Variants in CACNB2 observed in about 807,000 individuals in gnomAD.
The protein encoded by CACNB2 is voltage-dependent L-type calcium channel subunit beta-2.
A neutral mutation model predicts 73.3 loss-of-function variants in CACNB2; 42 were observed. The observed-to-expected ratio is 0.57, with a 90% CI of 0.45 to 0.74. CACNB2 has a LOEUF of 0.74. Ranked by LOEUF, CACNB2 falls within the 30% of genes least tolerant of loss-of-function variation. The probability of loss-of-function intolerance (pLI) is 0.00; values close to 1 mark genes in which losing one functional copy is unlikely to be tolerated. For synonymous variants in CACNB2, 348 were observed against 310.3 expected, an observed-to-expected ratio of 1.12 and a Z score of -1.28; for missense variants, 940 against 853.0, an observed-to-expected ratio of 1.10 and a Z score of -1.27.
At position 18,307,983 on chromosome 10, in the gene CACNB2, C is replaced by CTTTTTTTT. The variant is rs869311555; in HGVS notation, c.214-93921_214-93914dup. On this transcript the variant is annotated intron_variant, in intron 2 of 13. Coordinates refer to ENST00000324631, the MANE Select transcript of CACNB2 (RefSeq NM_201596.3). ...TTAAGTCTAAAATAATATATGCCAA[C>CTTTTTTTT]TTTTTTTTTTTTTTTTTTTTTTTTT... Among the ~76,000 whole-genome samples the CTTTTTTTT allele has an allele frequency of 4.6e-4, 32 of 70,262 alleles. 2 individuals are homozygous for CTTTTTTTT. The highest frequency in any genetic ancestry group is 1.0e-3 in the African/African-American group (17 of 16,742). The allele number at this position is 70,262 out of a possible 152,430, so 46.1% of individuals were successfully genotyped here. A position where few individuals can be genotyped will look rare whatever the true frequency, so the allele number is the denominator to read the frequency against.
intron 2 of CACNB2, among the ~76,000 whole-genome samples, chr10:18,185,618 C>T (rs1016909032): frequency 2.0e-5 from 3 of 152,156 alleles, no homozygotes; most frequent in African/African-American, 7.2e-5. Flanking sequence ...AGGTCAATAG[C>T]TTGCATTTGG....
At chr10:18,485,275 G>A (rs901415617) in intron 3 of CACNB2, among the ~76,000 whole-genome samples, 1 of 152,130 alleles carries the variant, frequency 6.6e-6, no homozygotes, top group Admixed American at 6.6e-5. Flanking sequence ...CAAGATGATA[G>A]AGAGAAGTTA....
At chr10:18,448,906 T>G (rs1323454245) in intron 3 of CACNB2, among the ~76,000 whole-genome samples, 1 of 152,196 alleles carries the variant, frequency 6.6e-6, no homozygotes, top group Non-Finnish European at 1.5e-5. Flanking sequence ...TAGAAAGTTG[T>G]CACTGTAGAT....
chr10:18,464,521 G>A (rs2047769787), intron 3 of CACNB2, among the ~76,000 whole-genome samples: 1 of 150,816 alleles, frequency 6.6e-6, no homozygotes, highest in Admixed American at 6.7e-5. Flanking sequence ...TATTCACACG[G>A]ACCTCAAACT....
chr10:18,205,846 C>A (rs914256488), intron 2 of CACNB2, among the ~76,000 whole-genome samples: 7 of 152,088 alleles, frequency 4.6e-5, no homozygotes, highest in African/African-American at 1.7e-4. Context: ...TTTCTACAAC[C>A]CATCAGAGAC....
At chr10:18,295,021 G>A (rs1032060995) in intron 2 of CACNB2, among the ~76,000 whole-genome samples, 39 of 152,336 alleles carry the variant, frequency 2.6e-4, no homozygotes, top group African/African-American at 8.7e-4. Flanking sequence ...AGCTTCATAA[G>A]CAGCCCTGAA....
At chr10:18,398,692 TACAC>T (rs200052800) in intron 2 of CACNB2, among the ~76,000 whole-genome samples, 44 of 57,136 alleles carry the variant, frequency 7.7e-4, no homozygotes, top group South Asian at 3.7e-3. Context: ...CACACACACA[TACAC>T]ACACACACAC....
At chr10:18,414,967 A>G (rs1171142956) in intron 3 of CACNB2, among the ~76,000 whole-genome samples, 1 of 152,240 alleles carries the variant, frequency 6.6e-6, no homozygotes, top group African/African-American at 2.4e-5. Flanking sequence ...CAATGGCTAC[A>G]TAAAAGATGT....
rs71402148 is a variant in CACNB2, at chr10:18,150,855, C to CTT, written c.121-4_121-3dup. 2,901 of 483,562 alleles carry CTT rather than the reference C, an allele frequency of 6.0e-3. 80 individuals carry two copies. Among genetic ancestry groups the CTT allele is most frequent in the African/African-American group, 0.013 (293 of 22,324 alleles). The allele number at this position is 483,562 out of a possible 1,614,324, so 30.0% of individuals were successfully genotyped here. ...AGGGTCTCATAATAATCTTATTTGT[C>CTT]TTTTTTTTTTTTTTTTTTTTTTTTT... On this transcript the variant is annotated intron_variant, in intron 1 of 13. Coordinates refer to ENST00000324631, the MANE Select transcript of CACNB2 (RefSeq NM_201596.3).
chr10:18,361,934 T>C lies in CACNB2; in HGVS notation c.214-39990T>C, dbSNP rs11013839. On this transcript the variant is annotated intron_variant, in intron 2 of 13. Transcript: ENST00000324631. Reference sequence around the variant, plus strand: ...AGCCTAAGGTAGCATTCTTAATTGCTGTTTCCCAAAACCAACCCCTGTTTC... The same window carrying C: ...AGCCTAAGGTAGCATTCTTAATTGCCGTTTCCCAAAACCAACCCCTGTTTC... Among the ~76,000 whole-genome samples, 135 of 152,282 alleles carry C rather than the reference T, an allele frequency of 8.9e-4. 1 individual carries two copies. In the East Asian group the frequency reaches 0.026, roughly 29 times the overall value.
chr10:18,156,993 A>G (rs969587597), intron 2 of CACNB2, among the ~76,000 whole-genome samples: 8 of 151,640 alleles, frequency 5.3e-5, no homozygotes, highest in African/African-American at 1.5e-4. Flanking sequence ...CGGTGAGCCG[A>G]GATTGCGCCA....
intron 9 of CACNB2, among the ~76,000 whole-genome samples, chr10:18,521,793 T>C (rs1181177759): frequency 6.6e-6 from 1 of 152,084 alleles, no homozygotes; most frequent in Non-Finnish European, 1.5e-5. Flanking sequence ...ACAGGGCTAG[T>C]GTATATTTCT....
intron 9 of CACNB2, among the ~76,000 whole-genome samples, chr10:18,527,149 G>A (rs2052552890): frequency 6.6e-6 from 1 of 152,046 alleles, no homozygotes; most frequent in African/African-American, 2.4e-5. Context: ...GGAAGGCCGA[G>A]GGAGGCGGAT....
chr10:18,387,219 C>T (rs2043273499), intron 2 of CACNB2, among the ~76,000 whole-genome samples: 1 of 152,192 alleles, frequency 6.6e-6, no homozygotes, highest in Non-Finnish European at 1.5e-5. Flanking sequence ...CTGCCAGCTG[C>T]AAAACACAGC....
chr10:18,141,169 C>T (rs375156952), intron 1 of CACNB2: 10 of 1,451,968 alleles, frequency 6.9e-6, no homozygotes, highest in Middle Eastern at 4.0e-4. Context: ...GGGAGAGGCA[C>T]ATGGAGAGAC....
chr10:18,484,802 T>G (rs1589501399), intron 3 of CACNB2, among the ~76,000 whole-genome samples: 1 of 152,310 alleles, frequency 6.6e-6, no homozygotes, highest in Non-Finnish European at 1.5e-5. Context: ...CTTAATCATT[T>G]TAAATTTAAT....
intron 3 of CACNB2, among the ~76,000 whole-genome samples, chr10:18,449,195 T>C (rs979352667): frequency 2.0e-5 from 3 of 152,036 alleles, no homozygotes; most frequent in African/African-American, 4.8e-5. Context: ...CCGTCCTGGC[T>C]AACACGGTGA....
In CACNB2 at chr10:18,542,204, A is replaced by C. The variant is rs1273051048; in HGVS notation, c.*2480A>C. 2.6e-5 allele frequency: 4 copies of C among 152,196 alleles called. No homozygotes were observed. The highest frequency in any genetic ancestry group is 7.2e-5 in the African/African-American group (3 of 41,448). 9.4% of individuals were successfully genotyped at this position (152,196 alleles called of 1,614,324 possible). A position where few individuals can be genotyped will look rare whatever the true frequency, so the allele number is the denominator to read the frequency against. On this transcript the variant is annotated 3_prime_UTR_variant, in exon 14 of 14. Transcript: ENST00000324631. The stretch of plus-strand genomic sequence containing the variant: ...TGGTGTTTAAAAAAAGAAAATAAAA[A>C]TTAGTTACATATATAATGTTTTATC...
intron 3 of CACNB2, among the ~76,000 whole-genome samples, chr10:18,439,619 A>G (rs1433002929): frequency 6.6e-6 from 1 of 152,248 alleles, no homozygotes; most frequent in Non-Finnish European, 1.5e-5. Context: ...CTTTGAAATC[A>G]TGCTCTAAGT....
Sources: gnomAD v4.1 joint callset for allele counts (sites outside exome capture counted in the v4.1 genomes callset) on GRCh38, gnomAD v4.1.1 for gene constraint, MANE v1.5 for transcripts, NCBI Gene and HGNC (gene_info 2026-07-23, HGNC 2026-07-21) for gene names.